The following LPP variants were observed in gnomAD, a reference collection of about 807,000 sequenced individuals.
The protein encoded by LPP is LIM domain containing preferred translocation partner in lipoma.
In LPP, 38 loss-of-function variants were observed where a neutral mutation model predicts 60.4. The observed-to-expected ratio is 0.63, with a 90% confidence interval of 0.49 to 0.83. LPP has a LOEUF of 0.83. Ranked by LOEUF, LPP falls within the 40% of genes least tolerant of loss-of-function variation. The pLI is 0.00. For synonymous variants in LPP, 328 were observed against 290.8 expected (o/e 1.13, Z -1.30); for missense variants, 902 against 783.6 (o/e 1.15, Z -1.80).
chr3:188,816,338 A>G (rs1752495997), intron 9 of LPP, among the ~76,000 whole-genome samples: 1 of 151,402 alleles, frequency 6.6e-6, no homozygotes, highest in African/African-American at 2.4e-5. Context: ...AGTAGCTGGG[A>G]CTACAGGCGC....
At chr3:188,499,458 G>A (rs970365722) in intron 5 of LPP, among the ~76,000 whole-genome samples, 1 of 152,066 alleles carries the variant, frequency 6.6e-6, no homozygotes. Context: ...TTTATTTCTG[G>A]ACTGTCTCTT....
intron 5 of LPP, among the ~76,000 whole-genome samples, chr3:188,499,395 A>G (rs1270245354): frequency 9.9e-5 from 15 of 152,204 alleles, no homozygotes. Context: ...TCCTTCCTGT[A>G]TTAAATGATC....
chr3:188,835,902 A>T (rs1758335300), intron 9 of LPP, among the ~76,000 whole-genome samples: 1 of 152,140 alleles, frequency 6.6e-6, no homozygotes, highest in Admixed American at 6.5e-5. Context: ...TTGAAGGGAA[A>T]CCATTATAAT....
intron 9 of LPP, among the ~76,000 whole-genome samples, chr3:188,860,133 A>G (rs1207994899): frequency 6.6e-6 from 1 of 151,950 alleles, no homozygotes; most frequent in African/African-American, 2.4e-5. Flanking sequence ...GTTATCTAGT[A>G]TAGGGTCATT....
At chr3:188,665,073 A>T (rs1378868193) in intron 7 of LPP, among the ~76,000 whole-genome samples, 1 of 152,126 alleles carries the variant, frequency 6.6e-6, no homozygotes, top group Non-Finnish European at 1.5e-5. Flanking sequence ...TAGTGCACAA[A>T]AATGGAGTGT....
intron 8 of LPP, among the ~76,000 whole-genome samples, chr3:188,718,932 C>T (rs1436440837): frequency 6.6e-6 from 1 of 152,062 alleles, no homozygotes; most frequent in Non-Finnish European, 1.5e-5. Flanking sequence ...TTTTTAGGGT[C>T]CCAAATTTGT....
At chr3:188,484,116 A>G (rs1403601677) in intron 4 of LPP, among the ~76,000 whole-genome samples, 6 of 152,162 alleles carry the variant, frequency 3.9e-5, no homozygotes, top group Non-Finnish European at 7.4e-5. Flanking sequence ...TACCTTCTAC[A>G]TCATGTTTCA....
chr3:188,736,337 T>A (rs983363328), intron 8 of LPP, among the ~76,000 whole-genome samples: 6 of 152,134 alleles, frequency 3.9e-5, no homozygotes, highest in South Asian at 4.1e-4. Flanking sequence ...AACAACTGTA[T>A]GAAAATTTTC....
intron 2 of LPP, among the ~76,000 whole-genome samples, chr3:188,241,220 C>T (rs554807989): frequency 6.6e-6 from 1 of 152,292 alleles, no homozygotes; most frequent in African/African-American, 2.4e-5. Context: ...TGAATCCAAC[C>T]TGCTGTTATC....
rs367817239 is a variant in LPP at position 188,888,609 on chromosome 3, T to C, written c.*14130T>C. Reference sequence around the variant, plus strand: ...GCTCTATTAACTTTACTTTTAGATTTACTGCCTTCAAAAAGTGCCTATTCT... The same window carrying C: ...GCTCTATTAACTTTACTTTTAGATTCACTGCCTTCAAAAAGTGCCTATTCT... On this transcript the variant is annotated 3_prime_UTR_variant, in exon 12 of 12. Transcript: ENST00000617246. 1 of 223,878 alleles carries C rather than the reference T, an allele frequency of 4.5e-6. No homozygotes were observed. The highest frequency in any genetic ancestry group is 8.9e-6 in the Non-Finnish European group (1 of 112,086). The allele number at this position is 223,878 out of a possible 1,614,324, so 13.9% of individuals were successfully genotyped here. A position where few individuals can be genotyped will look rare whatever the true frequency, so the allele number is the denominator to read the frequency against.
At chr3:188,407,774 T>TTGTTTG (rs1783901550) in intron 4 of LPP, among the ~76,000 whole-genome samples, 1 of 31,710 alleles carries the variant, frequency 3.2e-5, no homozygotes, top group African/African-American at 5.7e-5. Flanking sequence ...TATGGTTTTT[T>TTGTTTG]TTTTTGTTTG....
intron 2 of LPP, among the ~76,000 whole-genome samples, chr3:188,317,222 T>G (rs1328704721): frequency 6.7e-6 from 1 of 149,074 alleles, no homozygotes; most frequent in Non-Finnish European, 1.5e-5. Flanking sequence ...GTTGGAAAAC[T>G]TTTTTTTTTA....
chr3:188,831,072 T>G (rs2151590482), intron 9 of LPP, among the ~76,000 whole-genome samples: 1 of 152,302 alleles, frequency 6.6e-6, no homozygotes, highest in East Asian at 1.9e-4. Flanking sequence ...AGCTAATCTG[T>G]GGGGGGATGC....
At chr3:188,823,343 CATT>C (rs1754514925) in intron 9 of LPP, among the ~76,000 whole-genome samples, 1 of 152,076 alleles carries the variant, frequency 6.6e-6, no homozygotes, top group Non-Finnish European at 1.5e-5. Context: ...GCTGTTTAAA[CATT>C]GTGTCCATTC....
chr3:188,539,650 G>A (rs888487686), intron 6 of LPP, among the ~76,000 whole-genome samples: 1 of 152,170 alleles, frequency 6.6e-6, no homozygotes, highest in African/African-American at 2.4e-5. Flanking sequence ...AGTGTTCTGA[G>A]TTGATAACAC....
intron 2 of LPP, among the ~76,000 whole-genome samples, chr3:188,236,719 C>T (rs932324403): frequency 6.6e-6 from 1 of 152,124 alleles, no homozygotes; most frequent in African/African-American, 2.4e-5. Flanking sequence ...AGTATACATA[C>T]CTTAATTAAA....
chr3:188,738,025 T>C (rs1723115015), intron 8 of LPP, among the ~76,000 whole-genome samples: 1 of 152,208 alleles, frequency 6.6e-6, no homozygotes, highest in Non-Finnish European at 1.5e-5. Context: ...TTCTCCCACA[T>C]ACATCCCCTT....
intron 4 of LPP, among the ~76,000 whole-genome samples, chr3:188,436,844 G>A (rs758604190): frequency 1.3e-5 from 2 of 152,268 alleles, no homozygotes; most frequent in African/African-American, 2.4e-5. Flanking sequence ...TGGGTAGTGG[G>A]ATGGTGAGCA....
chr3:188,573,008 G>A (rs1381915212), intron 6 of LPP, among the ~76,000 whole-genome samples: 1 of 152,108 alleles, frequency 6.6e-6, no homozygotes, highest in Admixed American at 6.6e-5. Flanking sequence ...CCATAGGGTT[G>A]CCACAGAGCA....
Sources: allele counts gnomAD v4.1 joint callset (sites outside exome capture counted in the v4.1 genomes callset), GRCh38; gene constraint gnomAD v4.1.1; transcripts MANE v1.5; gene names NCBI Gene and HGNC (gene_info 2026-07-23, HGNC 2026-07-21).